Variants in BCOR observed in about 807,000 individuals in gnomAD.
BCOR encodes BCL-6 corepressor.
BCOR carries 10 observed loss-of-function variants against 86.7 expected under a neutral mutation model. That is an observed-to-expected ratio of 0.12 (90% CI 0.07 to 0.20). BCOR has a LOEUF of 0.20. Among genes scored for constraint, BCOR ranks in the 10% least tolerant of loss-of-function variants. The pLI is 1.00. For synonymous variants in BCOR, 611 were observed against 609.0 expected, an observed-to-expected ratio of 1.00 and a Z score of -0.05; for missense variants, 1,259 against 1,452.1, an observed-to-expected ratio of 0.87 and a Z score of 2.16.
intron 3 of BCOR, 150 bp from the exon 4 acceptor site, chrX:40,075,330 G>C: frequency 6.0e-5 from 23 of 385,241 alleles, no homozygotes; most frequent in Non-Finnish European, 8.4e-5. Context: ...GGGGTGGGGG[G>C]TCTGTTTCCC....
chrX:40,074,206 G>A lies in BCOR; in HGVS notation c.1140C>T (p.Ser380=). 1.6e-6 allele frequency: 2 copies of A among 1,212,336 alleles called. No individual in the cohort carries two copies. The highest frequency in any genetic ancestry group is 2.2e-6 in the Non-Finnish European group (2 of 895,587). The change falls in exon 4 of 15, where the codon AGC becomes AGT. Residue 380 remains serine, a synonymous_variant. Transcript: ENST00000378444. The part of the protein sequence containing the change: ...VALSKPYMTV[S]SEFPAARLSN... ...AGAGCCTGGCCGCGGGGAACTCGCT[G>A]CTAACTGTCATGTATGGCTTTGACA... is the stretch of plus-strand genomic sequence containing the variant.
Position 40,110,750 on chromosome X carries a change from G to T in BCOR, c.-40-32781C>A, listed in dbSNP as rs932805072. Among the ~76,000 whole-genome samples, 92 of 68,903 alleles carry T rather than the reference G, an allele frequency of 1.3e-3. 1 individual carries two copies. Among genetic ancestry groups the T allele is most frequent in the Non-Finnish European group, 1.6e-3 (61 of 39,040 alleles). The allele number at this position is 68,903 out of a possible 115,157, so 59.8% of individuals were successfully genotyped here. On this transcript the variant is annotated intron_variant, in intron 1 of 14. Coordinates refer to the BCOR transcript ENST00000342274. ...TTTGAGACGGAGTCTCACTCTTGTCGCCCAGGCTGGAGTGCAATGGCATGA... is the reference window on the plus strand; with the variant it reads ...TTTGAGACGGAGTCTCACTCTTGTCTCCCAGGCTGGAGTGCAATGGCATGA...
rs1485570760 is a variant in BCOR at position 40,075,185 on chromosome X, G to C, written c.166-5C>G. 1 of 1,202,450 alleles carries C rather than the reference G, an allele frequency of 8.3e-7. No homozygotes were observed. The highest frequency in any genetic ancestry group is 2.2e-5 in the Admixed American group (1 of 45,313). On this transcript the variant is annotated splice_region_variant and splice_polypyrimidine_tract_variant and intron_variant, in intron 3 of 14. Coordinates refer to ENST00000378444, the MANE Select transcript of BCOR (RefSeq NM_001123385.2). ...ATGGGCCGTGCTCGCATCCACCTTT[G>C]CAGAAGAACAACATGGGTGTTACTG...
chrX:40,113,810 T>C lies in BCOR; in HGVS notation c.-40-35841A>G, dbSNP rs145655142. 2.6e-3 allele frequency among the ~76,000 whole-genome samples: 283 copies of C among 109,051 alleles called. 3 individuals carry two copies. The highest frequency in any genetic ancestry group is 0.023 in the East Asian group (82 of 3,585). 94.7% of individuals were successfully genotyped at this position (109,051 alleles called of 115,157 possible). A position where few individuals can be genotyped will look rare whatever the true frequency, so the allele number is the denominator to read the frequency against. On this transcript the variant is annotated intron_variant, in intron 1 of 14. Coordinates refer to the BCOR transcript ENST00000342274. ...AAGTATTGCATGCCTAATACTTTTTTTTTCTTTCTTTCTTTCTTTTTTTTT... is the reference window on the plus strand; with the variant it reads ...AAGTATTGCATGCCTAATACTTTTTCTTTCTTTCTTTCTTTCTTTTTTTTT...
intron 1 of BCOR, among the ~76,000 whole-genome samples, chrX:40,119,421 C>T (rs1183569740): frequency 9.1e-6 from 1 of 110,282 alleles, no homozygotes; most frequent in Non-Finnish European, 1.9e-5. Context: ...TCCTGTAATC[C>T]CAGCACTTTA....
chrX:40,088,183 C>A (rs1469155648), intron 1 of BCOR, among the ~76,000 whole-genome samples: 3 of 112,301 alleles, frequency 2.7e-5, no homozygotes, highest in East Asian at 5.6e-4. Flanking sequence ...CTTCACCCCC[C>A]ACTCCAGGAG....
At chrX:40,083,186 T>A (rs2147443041) in intron 1 of BCOR, among the ~76,000 whole-genome samples, 1 of 110,918 alleles carries the variant, frequency 9.0e-6, no homozygotes, top group African/African-American at 3.3e-5. Flanking sequence ...GGATGGGTCC[T>A]CCGGGTCTGC....
chrX:40,105,230 G>C (rs1937153602), intron 1 of BCOR, among the ~76,000 whole-genome samples: 1 of 110,844 alleles, frequency 9.0e-6, no homozygotes, highest in African/African-American at 3.3e-5. Flanking sequence ...CCCCATCCCA[G>C]CGCAAGCCGA....
rs1399356213 is a variant in BCOR at position 40,073,800 on chromosome X, G to A, written c.1546C>T (p.Pro516Ser). Residue 516 changes from proline (P) to serine (S), a missense_variant, in exon 4 of 15, where the codon CCT becomes TCT. By Grantham distance (74) the Pro-to-Ser change is moderately conservative (BLOSUM62 -1). This residue lies in a region of BCOR where 534 missense variants were observed against 594.8 expected (regional missense o/e 0.90). Coordinates refer to ENST00000378444, the MANE Select transcript of BCOR (RefSeq NM_001123385.2). ...PSSWVVPGPS[P>S]NEENNGKSMS... ...CTTTTGCCATTGTTCTCTTCGTTAG[G>A]ACTTGGCCCGGGCACCACCCAGGAT... 3.3e-6 allele frequency: 4 copies of A among 1,212,406 alleles called. No homozygotes were observed. The highest frequency in any genetic ancestry group is 4.5e-6 in the Non-Finnish European group (4 of 895,677).
intron 1 of BCOR, among the ~76,000 whole-genome samples, chrX:40,092,744 G>T (rs1936677471): frequency 8.9e-6 from 1 of 111,990 alleles, no homozygotes; most frequent in Non-Finnish European, 1.9e-5. Flanking sequence ...CCCCTAGAAG[G>T]GAAAGAAACT....
upstream of BCOR, among the ~76,000 whole-genome samples, chrX:40,100,849 G>A (rs921930015): frequency 1.2e-4 from 13 of 110,413 alleles, no homozygotes; most frequent in African/African-American, 4.3e-4. Context: ...CAGTAAATTC[G>A]CCTTTGACGT....
Position 40,071,641 on chromosome X carries a change from C to G in BCOR, c.3047G>C (p.Cys1016Ser). Residue 1016 changes from cysteine (C) to serine (S), a missense_variant, in exon 5 of 15, where the codon TGT (cysteine) becomes TCT (serine). Around this residue, in one of 7 missense-constraint regions of BCOR, gnomAD observed 56 missense variants for 106.6 expected, o/e 0.53. Transcript: ENST00000378444. ...ATAAAAATTTGAAGAACTGACCTCA[C>G]AGTAAGCAGCGGGTAGACATAAAAT... ...DSILCLPAAY[C>S]ERAMMRFSEL... is the part of the protein sequence containing the mutation. 1 of 1,192,148 alleles carries G rather than the reference C, an allele frequency of 8.4e-7. No homozygotes were observed. The highest frequency in any genetic ancestry group is 1.1e-6 in the Non-Finnish European group (1 of 878,007).
chrX:40,094,282 C>A (rs1334224310), intron 1 of BCOR, among the ~76,000 whole-genome samples: 4 of 112,379 alleles, frequency 3.6e-5, no homozygotes, highest in Non-Finnish European at 7.5e-5. Context: ...AGGGAGCCTG[C>A]ATGCCTGTCT....
chrX:40,154,167 T>G (rs894367329), intron 1 of BCOR, among the ~76,000 whole-genome samples: 1 of 112,196 alleles, frequency 8.9e-6, no homozygotes, highest in African/African-American at 3.2e-5. Flanking sequence ...CTTTCATGGC[T>G]CTGGGTTTCC....
chrX:40,071,336 T>C (rs1281593882), intron 5 of BCOR, among the ~76,000 whole-genome samples, 177 bp from the exon 6 acceptor site: 3 of 112,577 alleles, frequency 2.7e-5, no homozygotes, highest in African/African-American at 9.7e-5. Context: ...AGAGTATCTA[T>C]ATATAAGTAG....
chrX:40,060,220 A>C (rs1934802754), intron 10 of BCOR, among the ~76,000 whole-genome samples: 1 of 112,503 alleles, frequency 8.9e-6, no homozygotes, highest in African/African-American at 3.2e-5. Flanking sequence ...AATCCCAGAA[A>C]GTTGGATTCA....
chrX:40,167,341 G>T (rs964495324), intron 1 of BCOR, among the ~76,000 whole-genome samples: 2 of 111,937 alleles, frequency 1.8e-5, no homozygotes, highest in Admixed American at 1.9e-4. Context: ...TAATATGAAC[G>T]TAACGTGGCT....
intron 1 of BCOR, among the ~76,000 whole-genome samples, chrX:40,139,259 T>C (rs1309572761): frequency 1.0e-5 from 1 of 99,486 alleles, no homozygotes; most frequent in Non-Finnish European, 2.0e-5. Context: ...GGTAGGCGTG[T>C]TGAATAAATA....
chrX:40,159,339 T>G lies in BCOR; in HGVS notation c.-41+17668A>C, dbSNP rs190683250. Among the ~76,000 whole-genome samples, 84 of 111,519 alleles carry G rather than the reference T, an allele frequency of 7.5e-4. 1 individual carries two copies. The highest frequency in any genetic ancestry group is 2.6e-3 in the African/African-American group (81 of 30,752). On this transcript the variant is annotated intron_variant, in intron 1 of 14. Coordinates refer to the BCOR transcript ENST00000342274. ...ACTCCCACCGCATTTCATAAAAGTGTTTTTTTTGTTTGTTTTTTGTTTTTT... is the reference window on the plus strand; with the variant it reads ...ACTCCCACCGCATTTCATAAAAGTGGTTTTTTTGTTTGTTTTTTGTTTTTT...
Sources: allele counts gnomAD v4.1 joint callset (sites outside exome capture counted in the v4.1 genomes callset), GRCh38; gene constraint gnomAD v4.1.1; regional missense constraint gnomAD v4.1.1; transcripts MANE v1.5; gene names NCBI Gene and HGNC (gene_info 2026-07-23, HGNC 2026-07-21).